The following PRR16 variants were observed in gnomAD, a reference collection of about 807,000 sequenced individuals.
PRR16 encodes proline rich 16.
A neutral mutation model predicts 18.2 loss-of-function variants in PRR16; 6 were observed. The observed-to-expected ratio is 0.33, with a 90% CI of 0.18 to 0.65. PRR16 has a LOEUF of 0.65. Ranked by LOEUF, PRR16 falls within the 30% of genes least tolerant of loss-of-function variation. The probability of loss-of-function intolerance (pLI) is 0.74; values close to 1 mark genes in which losing one functional copy is unlikely to be tolerated. For missense variants in PRR16, 412 were observed against 376.6 expected (o/e 1.09, Z -0.78); for synonymous variants, 151 against 147.8 (o/e 1.02, Z -0.16).
At chr5:120,604,026 C>T (rs1754069861) in intron 1 of PRR16, among the ~76,000 whole-genome samples, 1 of 151,792 alleles carries the variant, frequency 6.6e-6, no homozygotes, top group Admixed American at 6.6e-5. Flanking sequence ...AATGTATAAT[C>T]TGTTGTTGTT....
chr5:120,556,604 A>G lies in PRR16; in HGVS notation c.159+91959A>G, dbSNP rs147634934. ...AAACCAAGGCTCTTTCATTTTCTCA[A>G]CAGTTTCATCTTTGCCATTTGCATG... On this transcript the variant is annotated intron_variant, in intron 1 of 1. Coordinates refer to ENST00000407149, the MANE Select transcript of PRR16 (RefSeq NM_001300783.2). Among the ~76,000 whole-genome samples the G allele has an allele frequency of 3.8e-3, 572 of 152,004 alleles. 3 individuals are homozygous for G. Among genetic ancestry groups the G allele is most frequent in the African/African-American group, 0.013 (548 of 41,522 alleles).
the PRR16 span, among the ~76,000 whole-genome samples, chr5:120,726,402 C>T: frequency 6.6e-6 from 1 of 151,876 alleles, no homozygotes; most frequent in Admixed American, 6.6e-5. Flanking sequence ...GAGACAGTAA[C>T]GTCTGCACAA....
chr5:120,724,248 C>G, the PRR16 span, among the ~76,000 whole-genome samples: 5 of 152,144 alleles, frequency 3.3e-5, no homozygotes, highest in Non-Finnish European at 7.4e-5. Context: ...AACTTATTTT[C>G]ACTATATTTA....
chr5:120,704,174 A>C, the PRR16 span, among the ~76,000 whole-genome samples: 1 of 152,146 alleles, frequency 6.6e-6, no homozygotes, highest in African/African-American at 2.4e-5. Context: ...GGGAAACAAA[A>C]ATTTTGTTGG....
At chr5:120,535,223 A>AAT (rs1353163838) in intron 1 of PRR16, among the ~76,000 whole-genome samples, 1 of 152,098 alleles carries the variant, frequency 6.6e-6, no homozygotes, top group Non-Finnish European at 1.5e-5. Flanking sequence ...GAAGAGTAAT[A>AAT]TGTTTTGTAA....
At chr5:120,639,511 A>G (rs922722513) in intron 1 of PRR16, among the ~76,000 whole-genome samples, 2 of 152,048 alleles carry the variant, frequency 1.3e-5, no homozygotes, top group Non-Finnish European at 1.5e-5. Context: ...TTGCCTTAAA[A>G]TACCCTAATG....
intron 1 of PRR16, among the ~76,000 whole-genome samples, chr5:120,591,437 A>T (rs1420660448): frequency 6.6e-6 from 1 of 151,990 alleles, no homozygotes; most frequent in African/African-American, 2.4e-5. Context: ...AGAGTATATA[A>T]ATGTTTTTTA....
At chr5:120,477,718 C>A (rs555131988) in intron 1 of PRR16, among the ~76,000 whole-genome samples, 2 of 152,290 alleles carry the variant, frequency 1.3e-5, no homozygotes, top group African/African-American at 4.8e-5. Flanking sequence ...AGGCCTTTCA[C>A]AGTTGTCCTC....
chr5:120,767,517 C>G, the PRR16 span, among the ~76,000 whole-genome samples: 8 of 151,992 alleles, frequency 5.3e-5, no homozygotes, highest in African/African-American at 1.7e-4. Context: ...GCAGCATTAG[C>G]TGTTCTCCTT....
At chr5:120,581,706 C>A (rs1010369466) in intron 1 of PRR16, among the ~76,000 whole-genome samples, 21 of 152,084 alleles carry the variant, frequency 1.4e-4, no homozygotes, top group African/African-American at 5.1e-4. Flanking sequence ...CCCAGAGATT[C>A]TGGTATGTTG....
At chr5:120,670,805 C>T (rs1400022484) in intron 1 of PRR16, among the ~76,000 whole-genome samples, 3 of 152,134 alleles carry the variant, frequency 2.0e-5, no homozygotes, top group South Asian at 2.1e-4. Context: ...TAGAGATTTT[C>T]AGATGTTTTC....
At chr5:120,740,381 A>G in the PRR16 span, among the ~76,000 whole-genome samples, 2 of 147,586 alleles carry the variant, frequency 1.4e-5, no homozygotes, top group Non-Finnish European at 3.0e-5. Flanking sequence ...ATGGCTAAAA[A>G]AGACTACTTC....
chr5:120,757,999 AT>A, the PRR16 span, among the ~76,000 whole-genome samples: 1 of 143,690 alleles, frequency 7.0e-6, no homozygotes, highest in South Asian at 2.3e-4. Context: ...ATGTAAAACT[AT>A]TTTTAATATG....
intron 1 of PRR16, among the ~76,000 whole-genome samples, chr5:120,637,043 C>A (rs1755252402): frequency 1.3e-5 from 2 of 151,998 alleles, no homozygotes; most frequent in Admixed American, 1.3e-4. Context: ...TGCTCAACAT[C>A]ACTAATTATC....
chr5:120,555,031 A>T (rs919050056), intron 1 of PRR16, among the ~76,000 whole-genome samples: 2 of 151,948 alleles, frequency 1.3e-5, no homozygotes, highest in African/African-American at 4.8e-5. Context: ...GCAAGTTTAT[A>T]TTGCCAATTT....
the PRR16 span, among the ~76,000 whole-genome samples, chr5:120,720,136 TA>T: frequency 1.3e-5 from 2 of 152,030 alleles, no homozygotes; most frequent in East Asian, 3.9e-4. Context: ...TTCATAGCCA[TA>T]AGAATAATAG....
intron 1 of PRR16, among the ~76,000 whole-genome samples, chr5:120,549,460 A>G (rs1580713246): frequency 6.6e-6 from 1 of 152,112 alleles, no homozygotes. Flanking sequence ...TTCCATTATT[A>G]AGAATTGGAA....
At chr5:120,523,405 G>A (rs1013646696) in intron 1 of PRR16, among the ~76,000 whole-genome samples, 1 of 152,120 alleles carries the variant, frequency 6.6e-6, no homozygotes, top group East Asian at 1.9e-4. Context: ...TACTAATGAG[G>A]CAAGTACTGT....
intron 1 of PRR16, among the ~76,000 whole-genome samples, chr5:120,492,681 C>T (rs1443044636): frequency 2.6e-5 from 4 of 152,064 alleles, no homozygotes; most frequent in Non-Finnish European, 5.9e-5. Flanking sequence ...GCAGTGTACA[C>T]CGTACCCAAT....
Sources: allele counts gnomAD v4.1 joint callset (sites outside exome capture counted in the v4.1 genomes callset), GRCh38; gene constraint gnomAD v4.1.1; transcripts MANE v1.5; gene names NCBI Gene and HGNC (gene_info 2026-07-23, HGNC 2026-07-21).